AGK: variants seen among roughly 807,000 people sequenced by gnomAD.
AGK encodes the protein acylglycerol kinase, mitochondrial.
Under a neutral mutation model 66.4 loss-of-function variants are expected in AGK, and 52 were observed. The ratio of observed to expected loss-of-function variants is 0.78; its 90% CI spans 0.63 to 0.99. The LOEUF (loss-of-function observed/expected upper bound fraction) is 0.99. Among genes scored for constraint, AGK ranks in the 50% least tolerant of loss-of-function variants. The probability of loss-of-function intolerance (pLI) is 0.00; values close to 1 mark genes in which losing one functional copy is unlikely to be tolerated. For missense variants in AGK, 451 were observed against 506.6 expected (o/e 0.89, Z 1.05); for synonymous variants, 182 against 181.1 (o/e 1.00, Z -0.04).
rs755680311 is a variant in AGK, at chr7:141,653,986, GTAGT to G, written c.*1065_*1068del. On this transcript the variant is annotated 3_prime_UTR_variant, in exon 16 of 16. Transcript: ENST00000649286. ...TAAAAATAAATGAGCTAGTTCTTTA[GTAGT>G]TAAACATTTCAAATTGGCTTTTCTC... 6.6e-6 allele frequency: 1 copy of G among 152,014 alleles called. No homozygotes were observed. The highest frequency in any genetic ancestry group is 2.4e-5 in the African/African-American group (1 of 41,378). The allele number at this position is 152,014 out of a possible 1,614,324, so 9.4% of individuals were successfully genotyped here. A position where few individuals can be genotyped will look rare whatever the true frequency, so the allele number is the denominator to read the frequency against.
At chr7:141,593,005 G>A (rs1288574464) in intron 2 of AGK, 141 bp from the exon 3 acceptor site, 3 of 693,352 alleles carry the variant, frequency 4.3e-6, no homozygotes, top group Admixed American at 2.5e-5. Flanking sequence ...TGCCCGGCCT[G>A]TTATCAGGTT....
rs771374617 is a variant in AGK at position 141,615,580 on chromosome 7, TG to T, written c.518+19del. On this transcript the variant is annotated intron_variant, in intron 8 of 15. Transcript: ENST00000649286. ...AACAAAGTCCAGTAGGTTGTCAATG[TG>T]GGGAATTAGCATTTGTGGGTGAGCG... 2.5e-6 allele frequency: 4 copies of T among 1,599,296 alleles called. No homozygotes were observed. The highest frequency in any genetic ancestry group is 8.6e-7 in the Non-Finnish European group (1 of 1,166,738).
Position 141,598,554 on chromosome 7 carries a change from A to G in AGK, c.221+1913A>G, listed in dbSNP as rs999359665. Among the ~76,000 whole-genome samples, 4 of 152,180 alleles carry G rather than the reference A, an allele frequency of 2.6e-5. No homozygotes were observed. The highest frequency in any genetic ancestry group is 1.3e-4 in the Admixed American group (2 of 15,278). On this transcript the variant is annotated intron_variant, in intron 4 of 15. Coordinates refer to ENST00000649286, the MANE Select transcript of AGK (RefSeq NM_018238.4). This position sits in a 1 kb window ranked among gnomAD's most constrained non-coding sequence, Gnocchi z 4.2. ...AGAAAGGCAATAGTACATACTTTAA[A>G]AATTATTATGTGGAATAGGGACCTT...
intron 2 of AGK, among the ~76,000 whole-genome samples, chr7:141,566,240 A>G (rs1416507477): frequency 6.6e-6 from 1 of 152,178 alleles, no homozygotes; most frequent in Non-Finnish European, 1.5e-5. Context: ...CCATAGTACT[A>G]TGAACTCCTC....
intron 15 of AGK, among the ~76,000 whole-genome samples, chr7:141,652,070 G>GA (rs958181220): frequency 6.6e-6 from 1 of 151,958 alleles, no homozygotes; most frequent in Non-Finnish European, 1.5e-5. Context: ...CTATGTAAGT[G>GA]AAAAAAATTG....
At chr7:141,616,521 T>A (rs1050773222) in intron 8 of AGK, among the ~76,000 whole-genome samples, 1 of 152,174 alleles carries the variant, frequency 6.6e-6, no homozygotes, top group Admixed American at 6.5e-5. Context: ...ATTTTTGCTA[T>A]TGTAATGTTA....
chr7:141,602,349 T>A lies in AGK; in HGVS notation c.297+1069T>A, dbSNP rs556979751. Among the ~76,000 whole-genome samples the A allele has an allele frequency of 9.9e-5, 15 of 152,284 alleles. 1 individual carries two copies. The South Asian group carries it at 1.0e-3, about 11-fold the overall frequency. ...CATGCCCAGCCTTTTTTACCTTTTT[T>A]AAATTTTTAATGTACATTAAATTTC... On this transcript the variant is annotated intron_variant, in intron 5 of 15. Transcript: ENST00000649286.
In AGK at chr7:141,641,268, A is replaced by T. The variant is rs1199846783; in HGVS notation, c.747A>T (p.Gln249His). 5.0e-6 allele frequency: 8 copies of T among 1,613,522 alleles called. No individual in the cohort carries two copies. Among genetic ancestry groups the T allele is most frequent in the Non-Finnish European group, 6.8e-6 (8 of 1,179,782 alleles). The change falls in exon 12 of 16, where the codon CAA becomes CAT. Residue 249 changes from glutamine (Q) to histidine (H), a missense_variant. Transcript: ENST00000649286. ...AAAAGGAGTGGCCTCAGACTCATCA[A>T]GCCTCTATCTCATACACGGGACCTA... The part of the protein sequence containing the change: ...STLKEWPQTH[Q>H]ASISYTGPTE...
At chr7:141,606,784 C>T (rs771893143) in intron 5 of AGK, among the ~76,000 whole-genome samples, 5 of 152,132 alleles carry the variant, frequency 3.3e-5, no homozygotes, top group South Asian at 4.1e-4. Context: ...TATTATCAGA[C>T]GGATTAATTT....
chr7:141,567,655 A>G (rs982816826), intron 2 of AGK, among the ~76,000 whole-genome samples: 8 of 152,252 alleles, frequency 5.3e-5, no homozygotes, highest in African/African-American at 1.9e-4. Context: ...AGGATTGCTC[A>G]TTCCTCTTCA....
chr7:141,571,748 G>A (rs1360240154), intron 2 of AGK, among the ~76,000 whole-genome samples: 3 of 152,080 alleles, frequency 2.0e-5, no homozygotes, highest in African/African-American at 7.2e-5. Flanking sequence ...AAGCAACCCT[G>A]GATAGTTACT....
intron 5 of AGK, among the ~76,000 whole-genome samples, chr7:141,609,150 T>C (rs1230230807): frequency 6.6e-6 from 1 of 152,236 alleles, no homozygotes; most frequent in African/African-American, 2.4e-5. Flanking sequence ...TAATGTCATA[T>C]AGGACTTACT....
chr7:141,575,591 C>T (rs1752550574), intron 2 of AGK, among the ~76,000 whole-genome samples: 2 of 149,448 alleles, frequency 1.3e-5, no homozygotes, highest in African/African-American at 4.9e-5. Context: ...AAGGACTCTT[C>T]CAATCTGAAA....
At chr7:141,652,700 G>T in intron 15 of AGK, 87 bp from the exon 16 acceptor site, 2 of 1,413,776 alleles carry the variant, frequency 1.4e-6, no homozygotes, top group South Asian at 1.3e-5. Flanking sequence ...TTTCCATAAT[G>T]AACTTCTTCT....
chr7:141,648,066 T>C (rs1401948495), intron 13 of AGK, among the ~76,000 whole-genome samples: 1 of 152,214 alleles, frequency 6.6e-6, no homozygotes, highest in East Asian at 1.9e-4. Context: ...ACCACTGCCC[T>C]GGGTGGCCAC....
Position 141,615,461 on chromosome 7 carries a change from C to A in AGK, c.424-10C>A. On this transcript the variant is annotated splice_polypyrimidine_tract_variant and intron_variant, in intron 7 of 15. Transcript: ENST00000649286. ...TAACAATAAAACTTTCCTCTTCTTT[C>A]CCCCCCCAGGCTACCTTCAGTAAGA... The A allele has an allele frequency of 6.3e-7, 1 of 1,584,640 alleles. No individual in the cohort carries two copies.
chr7:141,651,684 C>T lies in AGK; in HGVS notation c.1131+75C>T, dbSNP rs1314483056. 3.7e-6 allele frequency: 5 copies of T among 1,364,838 alleles called. No individual in the cohort carries two copies. The African/African-American group carries it at 4.3e-5, about 12-fold the overall frequency. 84.5% of individuals were successfully genotyped at this position (1,364,838 alleles called of 1,614,324 possible). On this transcript the variant is annotated intron_variant, in intron 15 of 15. Transcript: ENST00000649286. ...GGCCTGCCCCTCTGTGGTGTCCCAT[C>T]CTTCCTCTCTGTTAGCTGACCTAGA...
intron 14 of AGK, among the ~76,000 whole-genome samples, chr7:141,650,190 G>A (rs1797521974): frequency 1.3e-5 from 2 of 152,198 alleles, no homozygotes; most frequent in South Asian, 4.1e-4. Flanking sequence ...TGTTGTTCTT[G>A]CCTTTGGCAT....
chr7:141,585,434 A>G (rs756264925), intron 2 of AGK, among the ~76,000 whole-genome samples: 3 of 152,174 alleles, frequency 2.0e-5, no homozygotes, highest in Non-Finnish European at 4.4e-5. Context: ...GCCACTGGCA[A>G]TATCATGATT....
Sources: allele counts gnomAD v4.1 joint callset (sites outside exome capture counted in the v4.1 genomes callset), GRCh38; gene constraint gnomAD v4.1.1; non-coding constraint Gnocchi (gnomAD v3.1); transcripts MANE v1.5; gene names NCBI Gene and HGNC (gene_info 2026-07-23, HGNC 2026-07-21).